LRRC8D: variants seen among roughly 807,000 people sequenced by gnomAD.
LRRC8D encodes leucine rich repeat containing 8 VRAC subunit D, also known as volume-regulated anion channel subunit LRRC8D.
LRRC8D carries 20 observed loss-of-function variants against 55.8 expected under a neutral mutation model. That is an observed-to-expected ratio of 0.36 (90% CI 0.25 to 0.52). The LOEUF is 0.52. LRRC8D is among the 20% of genes least tolerant of loss of function. The pLI, the probability that LRRC8D is intolerant of heterozygous loss-of-function variation, is 0.93. For missense variants in LRRC8D, 651 were observed against 1,030.8 expected (o/e 0.63, Z 5.05); for synonymous variants, 352 against 377.0 (o/e 0.93, Z 0.77).
chr1:89,884,666 A>C (rs549314876), intron 2 of LRRC8D, among the ~76,000 whole-genome samples: 24 of 152,332 alleles, frequency 1.6e-4, no homozygotes, highest in African/African-American at 5.3e-4. Flanking sequence ...TAATGTCTCA[A>C]AGATCCCAGC....
chr1:89,869,753 G>C (rs1175979998), intron 2 of LRRC8D, among the ~76,000 whole-genome samples: 2 of 152,200 alleles, frequency 1.3e-5, no homozygotes, highest in South Asian at 2.1e-4. Flanking sequence ...AGACTCAGCA[G>C]ATCTCTCGGC....
At chr1:89,852,537 A>C (rs1207915011) in intron 2 of LRRC8D, among the ~76,000 whole-genome samples, 1 of 152,248 alleles carries the variant, frequency 6.6e-6, no homozygotes, top group Non-Finnish European at 1.5e-5. Flanking sequence ...GTGAGTATGA[A>C]ATGGTGCCTA....
At chr1:89,910,788 T>C (rs1557480021) in intron 2 of LRRC8D, among the ~76,000 whole-genome samples, 2 of 152,192 alleles carry the variant, frequency 1.3e-5, no homozygotes, top group Admixed American at 6.5e-5. Flanking sequence ...GGCTCAAGTA[T>C]GTAAGTGCTT....
chr1:89,927,919 C>T (rs1663609051), intron 2 of LRRC8D, among the ~76,000 whole-genome samples: 1 of 152,206 alleles, frequency 6.6e-6, no homozygotes, highest in Admixed American at 6.5e-5. Flanking sequence ...GTGATAGCCA[C>T]TATTACTGTC....
intron 2 of LRRC8D, among the ~76,000 whole-genome samples, chr1:89,873,464 G>C (rs1328045152): frequency 6.6e-6 from 1 of 152,170 alleles, no homozygotes; most frequent in African/African-American, 2.4e-5. Flanking sequence ...CAAATGACTA[G>C]GTGGATGTTG....
At chr1:89,900,572 A>G (rs1022834709) in intron 2 of LRRC8D, among the ~76,000 whole-genome samples, 3 of 152,186 alleles carry the variant, frequency 2.0e-5, no homozygotes, top group Non-Finnish European at 4.4e-5. Flanking sequence ...GTACATGTTT[A>G]CCACTTGAGG....
At chr1:89,892,701 T>C (rs1373194895) in intron 2 of LRRC8D, among the ~76,000 whole-genome samples, 1 of 152,170 alleles carries the variant, frequency 6.6e-6, no homozygotes, top group African/African-American at 2.4e-5. Context: ...TTGTATTTTT[T>C]AGTAGAGACG....
rs1267145629 is a variant in LRRC8D at position 89,933,349 on chromosome 1, C to T, written c.281C>T (p.Thr94Ile). ...ACCAACCAAGACCAAGATGGGCGGA[C>T]AACAAACGACATTTCCTTTGGGACA... ...AATNQDQDGRTTNDISFGTSA... is the reference protein window; with the variant it reads ...AATNQDQDGRITNDISFGTSA... Residue 94 changes from threonine (T) to isoleucine (I), a missense_variant, in exon 3 of 3, where the codon ACA (threonine) becomes ATA (isoleucine). This residue lies in a region of LRRC8D where 118 missense variants were observed against 138.0 expected (regional missense o/e 0.85). Coordinates refer to ENST00000337338, the MANE Select transcript of LRRC8D (RefSeq NM_001134479.2). This position sits in a 1 kb window ranked among gnomAD's most constrained non-coding sequence, Gnocchi z 7.0. 1 of 1,614,142 alleles carries T rather than the reference C, an allele frequency of 6.2e-7. No homozygotes were observed. The highest frequency in any genetic ancestry group is 8.5e-7 in the Non-Finnish European group (1 of 1,180,042).
intron 2 of LRRC8D, among the ~76,000 whole-genome samples, chr1:89,848,976 G>A (rs1661346825): frequency 6.6e-6 from 1 of 152,094 alleles, no homozygotes; most frequent in South Asian, 2.1e-4. Flanking sequence ...GGGATTACAC[G>A]CATGAGCCAC....
intron 2 of LRRC8D, among the ~76,000 whole-genome samples, chr1:89,884,081 T>C (rs1662352474): frequency 6.6e-6 from 1 of 152,230 alleles, no homozygotes; most frequent in Non-Finnish European, 1.5e-5. Context: ...TGTTAACCTT[T>C]TTTTCCTTTC....
chr1:89,876,751 C>T (rs533428611), intron 2 of LRRC8D, among the ~76,000 whole-genome samples: 1 of 152,336 alleles, frequency 6.6e-6, no homozygotes, highest in South Asian at 2.1e-4. Flanking sequence ...GGATGCTTTG[C>T]ACTACACTGA....
At position 89,935,228 on chromosome 1, in the gene LRRC8D, C is replaced by A. The variant is rs753341135; in HGVS notation, c.2160C>A (p.Ser720=). 1.3e-5 allele frequency: 21 copies of A among 1,614,130 alleles called. No homozygotes were observed. The highest frequency in any genetic ancestry group is 1.7e-5 in the Non-Finnish European group (20 of 1,179,996). ...SLYFSNNKLE[S]LPVAVFSLQK... is the part of the protein sequence containing the mutation. ...ATTTCTCTAACAACAAGCTCGAATC[C>A]TTACCAGTGGCAGTATTTAGTTTAC... Residue 720 remains serine (S), a synonymous_variant, in exon 3 of 3, where the codon TCC becomes TCA. Transcript: ENST00000337338.
chr1:89,913,179 C>T (rs1391602104), intron 2 of LRRC8D, among the ~76,000 whole-genome samples: 1 of 152,216 alleles, frequency 6.6e-6, no homozygotes, highest in African/African-American at 2.4e-5. Flanking sequence ...AGTTGAACTG[C>T]TTCTTACATC....
intron 2 of LRRC8D, among the ~76,000 whole-genome samples, chr1:89,861,903 C>T (rs1449384209): frequency 6.6e-6 from 1 of 152,126 alleles, no homozygotes; most frequent in Non-Finnish European, 1.5e-5. Context: ...AATATCAGAT[C>T]CTGAAGGGCC....
chr1:89,874,359 T>A (rs796497982), intron 2 of LRRC8D, among the ~76,000 whole-genome samples: 5 of 152,226 alleles, frequency 3.3e-5, no homozygotes, highest in African/African-American at 1.2e-4. Context: ...AGTTTTCTCA[T>A]CTATAATGAG....
At chr1:89,901,260 G>A (rs967016044) in intron 2 of LRRC8D, among the ~76,000 whole-genome samples, 6 of 152,198 alleles carry the variant, frequency 3.9e-5, no homozygotes, top group Non-Finnish European at 8.8e-5. Context: ...TAAAGGAGAT[G>A]TGCTGAGTGG....
chr1:89,935,223 G>T lies in LRRC8D; in HGVS notation c.2155G>T (p.Glu719Ter). 1 of 1,614,062 alleles carries T rather than the reference G, an allele frequency of 6.2e-7. No homozygotes were observed. ...ACTTTATTTCTCTAACAACAAGCTC[G>T]AATCCTTACCAGTGGCAGTATTTAG... The part of the protein sequence containing the change: ...ESLYFSNNKL[E>*]SLPVAVFSLQ... The change falls in exon 3 of 3, where the codon GAA (glutamate) becomes TAA (stop). Residue 719 changes from glutamate to a stop codon, truncating the protein, a stop_gained. Transcript: ENST00000337338. LOFTEE classifies it high-confidence loss of function.
At chr1:89,920,109 T>G (rs773437358) in intron 2 of LRRC8D, among the ~76,000 whole-genome samples, 15 of 152,198 alleles carry the variant, frequency 9.9e-5, no homozygotes, top group Non-Finnish European at 1.9e-4. Flanking sequence ...ACTTTTAGAA[T>G]TGAGAGCTAG....
chr1:89,934,975 A>C lies in LRRC8D; in HGVS notation c.1907A>C (p.Asn636Thr), dbSNP rs1663801233. ...CTGAACAGCCTTAAGAAAATGATGA[A>C]TGTCGCTGAGCTGGAACTCCAGAAC... ...LVLNSLKKMM[N>T]VAELELQNCE... is the part of the protein sequence containing the mutation. Residue 636 changes from asparagine (N) to threonine (T), a missense_variant, in exon 3 of 3, where the codon AAT (asparagine) becomes ACT (threonine). Asn to Thr is a moderately conservative substitution (Grantham distance 65, BLOSUM62 0). Transcript: ENST00000337338. This position sits in a 1 kb window ranked among gnomAD's most constrained non-coding sequence, Gnocchi z 5.9. 1 of 1,614,012 alleles carries C rather than the reference A, an allele frequency of 6.2e-7. No individual in the cohort carries two copies. The highest frequency in any genetic ancestry group is 1.3e-5 in the African/African-American group (1 of 74,904).
Sources: allele counts gnomAD v4.1 joint callset (sites outside exome capture counted in the v4.1 genomes callset), GRCh38; gene constraint gnomAD v4.1.1; regional missense constraint gnomAD v4.1.1; non-coding constraint Gnocchi (gnomAD v3.1); transcripts MANE v1.5; gene names NCBI Gene and HGNC (gene_info 2026-07-23, HGNC 2026-07-21).